The following ZFYVE28 variants were observed in gnomAD, a reference collection of about 807,000 sequenced individuals.
ZFYVE28 encodes the protein lateral signaling target protein 2 homolog.
A neutral mutation model predicts 82.1 loss-of-function variants in ZFYVE28; 40 were observed. That is an observed-to-expected ratio of 0.49 (90% CI 0.38 to 0.63). The LOEUF is 0.63. Ranked by LOEUF, ZFYVE28 falls within the 30% of genes least tolerant of loss-of-function variation. The probability of loss-of-function intolerance (pLI) is 0.00; values close to 1 mark genes in which losing one functional copy is unlikely to be tolerated. For missense variants in ZFYVE28, 1,321 were observed against 1,242.1 expected (o/e 1.06, Z -0.96); for synonymous variants, 612 against 546.1 (o/e 1.12, Z -1.68).
intron 1 of ZFYVE28, among the ~76,000 whole-genome samples, chr4:2,363,984 C>T (rs1389077234): frequency 2.0e-5 from 3 of 152,176 alleles, no homozygotes; most frequent in East Asian, 3.9e-4. Flanking sequence ...TCCTGTGACC[C>T]GGTTTCCCTG....
intron 8 of ZFYVE28, among the ~76,000 whole-genome samples, chr4:2,274,429 G>T (rs1462701243): frequency 6.6e-6 from 1 of 152,166 alleles, no homozygotes; most frequent in Non-Finnish European, 1.5e-5. Context: ...GTACAACAGG[G>T]CTCTGAGCCA....
intron 1 of ZFYVE28, among the ~76,000 whole-genome samples, chr4:2,357,477 C>A (rs940158618): frequency 6.6e-6 from 1 of 152,254 alleles, no homozygotes; most frequent in Non-Finnish European, 1.5e-5. Context: ...ATGAGACCCG[C>A]TGGGCCTGAC....
intron 8 of ZFYVE28, among the ~76,000 whole-genome samples, chr4:2,276,886 G>T (rs538755845): frequency 5.3e-4 from 81 of 152,122 alleles, no homozygotes; most frequent in Non-Finnish European, 8.1e-4. Context: ...GATGATGTTG[G>T]TGACAGTTGC....
At chr4:2,404,924 G>A (rs1241858816) in intron 1 of ZFYVE28, among the ~76,000 whole-genome samples, 1 of 142,158 alleles carries the variant, frequency 7.0e-6, no homozygotes, top group South Asian at 2.2e-4. Context: ...GGAGTGCAGT[G>A]GCACAGTCGT....
rs1478685328 is a variant in ZFYVE28, at chr4:2,356,800, CA to C, written c.40-2728del. 9.5e-3 allele frequency among the ~76,000 whole-genome samples: 1,453 copies of C among 152,324 alleles called. 23 individuals carry two copies. The highest frequency in any genetic ancestry group is 0.033 in the African/African-American group (1,364 of 41,576). ...TGGCCCTTCCCCAAGGCCCGAGCCC[CA>C]GGGAGTGCTGCACTTTCGAAGCCTT... On this transcript the variant is annotated intron_variant, in intron 1 of 12. Transcript: ENST00000290974.
At chr4:2,371,962 A>G (rs1237557940) in intron 1 of ZFYVE28, among the ~76,000 whole-genome samples, 2 of 152,194 alleles carry the variant, frequency 1.3e-5, no homozygotes. Flanking sequence ...ACAGCCACAC[A>G]GGAGCAGCCT....
intron 1 of ZFYVE28, among the ~76,000 whole-genome samples, chr4:2,375,226 T>C (rs1727996577): frequency 6.6e-6 from 1 of 152,224 alleles, no homozygotes; most frequent in African/African-American, 2.4e-5. Context: ...AAGGTGGCTT[T>C]CTCTTCTTAT....
chr4:2,386,841 G>A (rs756798762), intron 1 of ZFYVE28, among the ~76,000 whole-genome samples: 13 of 152,230 alleles, frequency 8.5e-5, no homozygotes, highest in Non-Finnish European at 1.8e-4. Context: ...ACCCCGCTGC[G>A]CGCCTGCTGA....
Position 2,401,522 on chromosome 4 carries a change from C to T in ZFYVE28, c.39+16763G>A, listed in dbSNP as rs558147245. 6.6e-5 allele frequency among the ~76,000 whole-genome samples: 10 copies of T among 152,334 alleles called. No homozygotes were observed. In the East Asian group the frequency reaches 1.4e-3, roughly 21 times the overall value. The stretch of plus-strand genomic sequence containing the variant: ...AGGGTGCTTTCACTCTGACACCAGA[C>T]GGTGCTACCTGCCCCACCCCAGGCC... On this transcript the variant is annotated intron_variant, in intron 1 of 12. Coordinates refer to ENST00000290974, the MANE Select transcript of ZFYVE28 (RefSeq NM_020972.3).
At chr4:2,322,488 G>A (rs1181730107) in intron 6 of ZFYVE28, among the ~76,000 whole-genome samples, 1 of 152,204 alleles carries the variant, frequency 6.6e-6, no homozygotes, top group Admixed American at 6.5e-5. Context: ...TGGGGGCACT[G>A]TGAGGGGCTT....
chr4:2,403,791 C>T (rs1361813909), intron 1 of ZFYVE28, among the ~76,000 whole-genome samples: 1 of 151,896 alleles, frequency 6.6e-6, no homozygotes, highest in Non-Finnish European at 1.5e-5. Flanking sequence ...ATGGTGAAAC[C>T]CCGTCTCTAC....
At chr4:2,303,843 C>T (rs1716020829) in intron 8 of ZFYVE28, among the ~76,000 whole-genome samples, 1 of 152,240 alleles carries the variant, frequency 6.6e-6, no homozygotes, top group Admixed American at 6.5e-5. Context: ...GCCAGGCAGC[C>T]ACAGTGGTCA....
Position 2,335,707 on chromosome 4 carries a change from C to T in ZFYVE28, c.699G>A (p.Val233=). ...TCCTGGGCACAGGAGGCACTCACCA[C>T]ACGATGGCCAGCCTGGGGATGCTGA... ...LMFSIPRLAI[V]CGLVVYADGP... The change falls in exon 6 of 13, where the codon GTG becomes GTA. Residue 233 remains valine, a splice_region_variant and synonymous_variant. Coordinates refer to ENST00000290974, the MANE Select transcript of ZFYVE28 (RefSeq NM_020972.3). This position sits in a 1 kb window ranked among gnomAD's most constrained non-coding sequence, Gnocchi z 5.8. 2 of 1,571,590 alleles carry T rather than the reference C, an allele frequency of 1.3e-6. No homozygotes were observed. The highest frequency in any genetic ancestry group is 1.7e-6 in the Non-Finnish European group (2 of 1,158,282).
chr4:2,413,001 C>A (rs1732679122), intron 1 of ZFYVE28, among the ~76,000 whole-genome samples: 1 of 152,192 alleles, frequency 6.6e-6, no homozygotes, highest in South Asian at 2.1e-4. Context: ...AGAAACCATA[C>A]CAGACGTTTC....
At chr4:2,377,504 T>A (rs1197934043) in intron 1 of ZFYVE28, among the ~76,000 whole-genome samples, 1 of 152,220 alleles carries the variant, frequency 6.6e-6, no homozygotes, top group Non-Finnish European at 1.5e-5. Flanking sequence ...ACAACGAGCA[T>A]CTGTAAATGG....
At chr4:2,406,670 T>C (rs10009152) in intron 1 of ZFYVE28, 27,905 of 152,222 alleles carry the variant, frequency 0.18, 2,719 homozygotes, top group East Asian at 0.34. Flanking sequence ...CAGCACAAGG[T>C]TGGATTGTTC....
intron 8 of ZFYVE28, among the ~76,000 whole-genome samples, chr4:2,277,087 A>C (rs954281753): frequency 2.6e-5 from 4 of 152,248 alleles, no homozygotes; most frequent in African/African-American, 9.6e-5. Context: ...GGCGCCCGAC[A>C]CAGAAGGCTC....
chr4:2,301,002 C>T lies in ZFYVE28; in HGVS notation c.2051+3287G>A, dbSNP rs73085179. ...CCAAACACAGCCACACCTGTGCACA[C>T]GACCGGCCTCGCACAAACGTCACTT... On this transcript the variant is annotated intron_variant, in intron 8 of 12. Coordinates refer to ENST00000290974, the MANE Select transcript of ZFYVE28 (RefSeq NM_020972.3). Among the ~76,000 whole-genome samples, 1,226 of 152,288 alleles carry T rather than the reference C, an allele frequency of 8.1e-3. 13 individuals carry two copies. Among genetic ancestry groups the T allele is most frequent in the African/African-American group, 0.028 (1,146 of 41,542 alleles).
At chr4:2,274,724 G>C (rs1307329116) in intron 8 of ZFYVE28, among the ~76,000 whole-genome samples, 1 of 152,162 alleles carries the variant, frequency 6.6e-6, no homozygotes, top group Non-Finnish European at 1.5e-5. Flanking sequence ...TGAATGATCC[G>C]GACAGGTCAT....
Sources: allele counts gnomAD v4.1 joint callset (sites outside exome capture counted in the v4.1 genomes callset), GRCh38; gene constraint gnomAD v4.1.1; non-coding constraint Gnocchi (gnomAD v3.1); transcripts MANE v1.5; gene names NCBI Gene and HGNC (gene_info 2026-07-23, HGNC 2026-07-21).